The following CHN1 variants were observed in gnomAD, a reference collection of about 807,000 sequenced individuals.
The protein encoded by CHN1 is chimerin 1, also known as N-chimaerin.
Under a neutral mutation model 59.5 loss-of-function variants are expected in CHN1, and 37 were observed. That is an observed-to-expected ratio of 0.62 (90% CI 0.48 to 0.82). The LOEUF (loss-of-function observed/expected upper bound fraction) is 0.82, where lower values mean the gene tolerates loss of function less well. Ranked by LOEUF, CHN1 falls within the 40% of genes least tolerant of loss-of-function variation. CHN1 has a pLI of 0.00. For missense variants in CHN1, 469 were observed against 571.0 expected (o/e 0.82, Z 1.82); for synonymous variants, 206 against 200.4 (o/e 1.03, Z -0.24).
intron 12 of CHN1, 27 bp downstream of exon 12, chr2:174,801,680 G>T: frequency 6.5e-7 from 1 of 1,539,404 alleles, no homozygotes; most frequent in African/African-American, 1.4e-5. Flanking sequence ...TGCAATACAA[G>T]TGTAAGACTC....
At chr2:174,903,937 A>G (rs564917413) in intron 5 of CHN1, among the ~76,000 whole-genome samples, 31 of 152,200 alleles carry the variant, frequency 2.0e-4, no homozygotes, top group Non-Finnish European at 3.8e-4. Context: ...GATAACTTTA[A>G]AATCTTAATT....
chr2:174,935,440 A>G (rs1224103247), intron 3 of CHN1, among the ~76,000 whole-genome samples: 1 of 152,242 alleles, frequency 6.6e-6, no homozygotes, highest in African/African-American at 2.4e-5. Context: ...TTATAAGAAC[A>G]TTGTATTGAA....
intron 4 of CHN1, among the ~76,000 whole-genome samples, chr2:174,916,771 T>C (rs1423537768): frequency 6.6e-6 from 1 of 152,252 alleles, no homozygotes; most frequent in African/African-American, 2.4e-5. Context: ...AGGCTAATGC[T>C]TTGAATCTGC....
intron 7 of CHN1, among the ~76,000 whole-genome samples, chr2:174,829,693 G>A (rs1017191496): frequency 6.6e-6 from 1 of 152,188 alleles, no homozygotes; most frequent in Non-Finnish European, 1.5e-5. Flanking sequence ...AACATTACGG[G>A]AAATAAAATT....
chr2:174,909,303 G>A (rs1288511300), intron 5 of CHN1, among the ~76,000 whole-genome samples: 1 of 152,096 alleles, frequency 6.6e-6, no homozygotes, highest in Non-Finnish European at 1.5e-5. Context: ...AACAAGAAAA[G>A]AAAACCAGAT....
chr2:175,000,445 T>G (rs1559017444), intron 1 of CHN1, among the ~76,000 whole-genome samples: 1 of 151,976 alleles, frequency 6.6e-6, no homozygotes, highest in African/African-American at 2.4e-5. Flanking sequence ...GCCTGATTTT[T>G]TTTGTTTGTT....
At chr2:174,868,346 C>A (rs569217287) in intron 6 of CHN1, among the ~76,000 whole-genome samples, 142 of 152,134 alleles carry the variant, frequency 9.3e-4, no homozygotes, top group African/African-American at 3.3e-3. Context: ...CAATAGATTC[C>A]CGGTGCTCCC....
At chr2:174,977,757 A>G (rs1246448666) in intron 1 of CHN1, among the ~76,000 whole-genome samples, 2 of 152,164 alleles carry the variant, frequency 1.3e-5, no homozygotes, top group East Asian at 3.8e-4. Context: ...TGAGGCTTAC[A>G]TTTCTAAAGG....
At chr2:174,844,590 C>T (rs1686439739) in intron 7 of CHN1, among the ~76,000 whole-genome samples, 1 of 152,150 alleles carries the variant, frequency 6.6e-6, no homozygotes, top group Non-Finnish European at 1.5e-5. Flanking sequence ...TTTTTCCCCA[C>T]ACAAATTTCT....
At chr2:174,956,649 G>A (rs1336030524) in intron 1 of CHN1, among the ~76,000 whole-genome samples, 3 of 151,670 alleles carry the variant, frequency 2.0e-5, no homozygotes, top group Non-Finnish European at 4.4e-5. Context: ...GCAGGTACCT[G>A]TACCCCAGCT....
At chr2:174,887,441 G>T (rs1687926067) in intron 5 of CHN1, among the ~76,000 whole-genome samples, 1 of 151,944 alleles carries the variant, frequency 6.6e-6, no homozygotes, top group Non-Finnish European at 1.5e-5. Context: ...TTATATCCTA[G>T]GCACTATGTA....
At chr2:174,997,786 C>T (rs894202078) in intron 1 of CHN1, among the ~76,000 whole-genome samples, 2 of 152,096 alleles carry the variant, frequency 1.3e-5, no homozygotes, top group African/African-American at 4.8e-5. Flanking sequence ...AATCCCAGCA[C>T]TTTGGGAGAC....
At chr2:174,847,286 G>T (rs1686553128) in intron 6 of CHN1, 34 of 1,363,276 alleles carry the variant, frequency 2.5e-5, no homozygotes, top group Non-Finnish European at 3.2e-5. Flanking sequence ...GGAGGATGAA[G>T]CACTTCTTAA....
At chr2:174,998,519 T>C (rs547976467) in intron 1 of CHN1, among the ~76,000 whole-genome samples, 6 of 152,144 alleles carry the variant, frequency 3.9e-5, no homozygotes, top group African/African-American at 1.2e-4. Context: ...ACGGAACATA[T>C]GCAATCCAAA....
At chr2:174,822,680 C>T (rs1258524318) in intron 8 of CHN1, among the ~76,000 whole-genome samples, 1 of 152,174 alleles carries the variant, frequency 6.6e-6, no homozygotes, top group African/African-American at 2.4e-5. Flanking sequence ...AAGAGTATTC[C>T]ATCTGCCTTT....
At chr2:174,830,451 T>A (rs2105410314) in intron 7 of CHN1, among the ~76,000 whole-genome samples, 1 of 152,298 alleles carries the variant, frequency 6.6e-6, no homozygotes, top group Non-Finnish European at 1.5e-5. Flanking sequence ...TTAAGTTACG[T>A]CTAGTCAAAA....
chr2:175,004,085 C>A (rs1306690539), intron 1 of CHN1, among the ~76,000 whole-genome samples: 1 of 150,610 alleles, frequency 6.6e-6, no homozygotes, highest in Non-Finnish European at 1.5e-5. Context: ...ATACTTTGAA[C>A]GTCTAATGTT....
chr2:174,816,170 G>C (rs1213954081), intron 8 of CHN1, among the ~76,000 whole-genome samples: 1 of 152,220 alleles, frequency 6.6e-6, no homozygotes, highest in East Asian at 1.9e-4. Context: ...CAGGGATGAA[G>C]ATACAGCTCT....
At chr2:175,004,810 G>A (rs912188350) in intron 1 of CHN1, 84 bp downstream of exon 1, 1 of 848,010 alleles carries the variant, frequency 1.2e-6, no homozygotes, top group Non-Finnish European at 1.5e-6. Context: ...CCCCCTCCCC[G>A]GGCGCCCAGG....
Sources: gnomAD v4.1 joint callset for allele counts (sites outside exome capture counted in the v4.1 genomes callset) on GRCh38, gnomAD v4.1.1 for gene constraint, MANE v1.5 for transcripts, NCBI Gene and HGNC (gene_info 2026-07-23, HGNC 2026-07-21) for gene names.